The following LRRC4C variants were observed in gnomAD, a reference collection of about 807,000 sequenced individuals.
LRRC4C encodes leucine-rich repeat-containing protein 4C.
Under a neutral mutation model 33.6 loss-of-function variants are expected in LRRC4C, and 5 were observed. The ratio of observed to expected loss-of-function variants is 0.15; its 90% CI spans 0.08 to 0.31. The LOEUF (loss-of-function observed/expected upper bound fraction) is 0.31. Ranked by LOEUF, LRRC4C falls within the 10% of genes least tolerant of loss-of-function variation. The pLI, the probability that LRRC4C is intolerant of heterozygous loss-of-function variation, is 1.00. For synonymous variants in LRRC4C, 329 were observed against 302.0 expected (o/e 1.09, Z -0.93); for missense variants, 560 against 796.7 (o/e 0.70, Z 3.58).
chr11:40,501,529 C>T (rs924548504), intron 3 of LRRC4C, among the ~76,000 whole-genome samples: 7 of 152,236 alleles, frequency 4.6e-5, no homozygotes, highest in Non-Finnish European at 1.0e-4. Context: ...TGTGCACCTG[C>T]AGGCTCAACA....
intron 4 of LRRC4C, among the ~76,000 whole-genome samples, chr11:40,308,960 C>T (rs1007881239): frequency 1.2e-4 from 18 of 152,160 alleles, no homozygotes; most frequent in African/African-American, 4.1e-4. Context: ...ACATTCTGTT[C>T]ATGATCATAT....
intron 5 of LRRC4C, among the ~76,000 whole-genome samples, chr11:40,193,351 C>A (rs1862002308): frequency 6.6e-6 from 1 of 152,150 alleles, no homozygotes; most frequent in Admixed American, 6.5e-5. Context: ...AACAGACCTG[C>A]AGAAGAGGGG....
chr11:40,137,892 A>G (rs1857092458), intron 6 of LRRC4C, among the ~76,000 whole-genome samples: 1 of 152,210 alleles, frequency 6.6e-6, no homozygotes, highest in Non-Finnish European at 1.5e-5. Context: ...CTTTGAATTC[A>G]TACAAAACCA....
At chr11:40,618,962 A>C (rs943752037) in intron 3 of LRRC4C, among the ~76,000 whole-genome samples, 1 of 151,616 alleles carries the variant, frequency 6.6e-6, no homozygotes, top group South Asian at 2.1e-4. Context: ...ATCATTCCCC[A>C]CTCAAAGGTC....
At chr11:41,297,992 G>A (rs533787062) in intron 1 of LRRC4C, among the ~76,000 whole-genome samples, 2 of 152,206 alleles carry the variant, frequency 1.3e-5, no homozygotes, top group African/African-American at 4.8e-5. Flanking sequence ...ATATCAATCA[G>A]GAGATGTATT....
intron 1 of LRRC4C, among the ~76,000 whole-genome samples, chr11:41,104,280 G>T (rs182353910): frequency 1.0e-3 from 155 of 151,866 alleles, no homozygotes; most frequent in Non-Finnish European, 1.9e-3. Flanking sequence ...AAATAAAGAA[G>T]CCAATTAAAA....
chr11:40,502,064 C>T (rs1287931049), intron 3 of LRRC4C, among the ~76,000 whole-genome samples: 1 of 152,168 alleles, frequency 6.6e-6, no homozygotes, highest in African/African-American at 2.4e-5. Flanking sequence ...GGGCAAAATG[C>T]TGCCAGTCTC....
intron 1 of LRRC4C, among the ~76,000 whole-genome samples, chr11:40,983,379 G>A (rs1852680553): frequency 6.6e-6 from 1 of 152,106 alleles, no homozygotes; most frequent in Admixed American, 6.6e-5. Context: ...ATGGATTAAA[G>A]ACTTAAATGT....
intron 1 of LRRC4C, among the ~76,000 whole-genome samples, chr11:41,188,966 T>C (rs1171955046): frequency 1.4e-5 from 2 of 147,930 alleles, no homozygotes; most frequent in Non-Finnish European, 3.0e-5. Context: ...ATGATTCTTA[T>C]TAAATAAAAA....
intron 1 of LRRC4C, among the ~76,000 whole-genome samples, chr11:41,365,182 G>A (rs1392943058): frequency 1.3e-5 from 2 of 152,118 alleles, no homozygotes; most frequent in African/African-American, 4.8e-5. Context: ...TGTCAAGTTA[G>A]TGGAGACATC....
intron 5 of LRRC4C, among the ~76,000 whole-genome samples, chr11:40,158,979 T>C (rs147246133): frequency 2.4e-4 from 36 of 152,296 alleles, no homozygotes; most frequent in African/African-American, 7.2e-4. Context: ...CTTAAAATAA[T>C]CTAAATCTTA....
At chr11:40,282,027 G>A (rs984265515) in intron 4 of LRRC4C, among the ~76,000 whole-genome samples, 1 of 152,268 alleles carries the variant, frequency 6.6e-6, no homozygotes, top group African/African-American at 2.4e-5. Context: ...GCCTACAAGT[G>A]TCATCTCAAC....
intron 6 of LRRC4C, among the ~76,000 whole-genome samples, chr11:40,119,262 G>A (rs908884285): frequency 5.3e-5 from 8 of 152,180 alleles, no homozygotes; most frequent in Non-Finnish European, 5.9e-5. Flanking sequence ...GTCTTAAGAA[G>A]GGGATATTTA....
chr11:40,313,721 C>T (rs1243054934), intron 4 of LRRC4C, among the ~76,000 whole-genome samples: 1 of 148,790 alleles, frequency 6.7e-6, no homozygotes, highest in African/African-American at 2.5e-5. Flanking sequence ...CATTCTCTTG[C>T]CTCAGTCTCC....
intron 4 of LRRC4C, among the ~76,000 whole-genome samples, chr11:40,316,226 G>A (rs549435630): frequency 5.9e-5 from 9 of 152,026 alleles, no homozygotes; most frequent in African/African-American, 2.2e-4. Flanking sequence ...AGACATTGGG[G>A]GAATCCAATT....
chr11:40,912,103 C>G (rs1956725687), intron 2 of LRRC4C, among the ~76,000 whole-genome samples: 4 of 152,154 alleles, frequency 2.6e-5, no homozygotes, highest in Non-Finnish European at 5.9e-5. Flanking sequence ...GAGAATGGAA[C>G]AAAGTTGGAA....
At chr11:40,322,900 A>G (rs1945921624) in intron 3 of LRRC4C, among the ~76,000 whole-genome samples, 1 of 152,242 alleles carries the variant, frequency 6.6e-6, no homozygotes, top group African/African-American at 2.4e-5. Flanking sequence ...AAAATGGAAT[A>G]TCTTCTGTAA....
chr11:41,309,344 A>G (rs1364158392), intron 1 of LRRC4C, among the ~76,000 whole-genome samples: 1 of 152,188 alleles, frequency 6.6e-6, no homozygotes, highest in Non-Finnish European at 1.5e-5. Context: ...ACCATCCACT[A>G]AGAAGGCTGA....
At chr11:40,155,406 T>G (rs1455863159) in intron 5 of LRRC4C, among the ~76,000 whole-genome samples, 1 of 151,544 alleles carries the variant, frequency 6.6e-6, no homozygotes, top group Non-Finnish European at 1.5e-5. Context: ...AAAAGATAAA[T>G]GAAACAAAAC....
Sources: allele counts gnomAD v4.1 joint callset (sites outside exome capture counted in the v4.1 genomes callset), GRCh38; gene constraint gnomAD v4.1.1; transcripts MANE v1.5; gene names NCBI Gene and HGNC (gene_info 2026-07-23, HGNC 2026-07-21).